Variants in PRKAG2 observed in about 807,000 individuals in gnomAD.
PRKAG2 encodes protein kinase AMP-activated non-catalytic subunit gamma 2, also known as 5'-AMP-activated protein kinase subunit gamma-2.
A neutral mutation model predicts 69.6 loss-of-function variants in PRKAG2; 26 were observed. The ratio of observed to expected loss-of-function variants is 0.37; its 90% CI spans 0.27 to 0.52. The LOEUF (loss-of-function observed/expected upper bound fraction) is 0.52, where lower values mean the gene tolerates loss of function less well. Among genes scored for constraint, PRKAG2 ranks in the 20% least tolerant of loss-of-function variants. The pLI is 0.90. For synonymous variants in PRKAG2, 293 were observed against 285.0 expected, an observed-to-expected ratio of 1.03 and a Z score of -0.28; for missense variants, 557 against 740.0, an observed-to-expected ratio of 0.75 and a Z score of 2.87.
rs943494129 is a variant in PRKAG2, at chr7:151,875,401, T to C, written c.114+1106A>G. On this transcript the variant is annotated intron_variant, in intron 1 of 15. Coordinates refer to ENST00000287878, the MANE Select transcript of PRKAG2 (RefSeq NM_016203.4). ...TCAGCAAACACGGGGCAGTGCGCCC[T>C]GGGATTCACAGTGGGAAGTGAGTGG... 3.3e-5 allele frequency among the ~76,000 whole-genome samples: 5 copies of C among 152,302 alleles called. No homozygotes were observed. In the East Asian group the frequency reaches 5.8e-4, roughly 18 times the overall value.
At chr7:151,718,859 C>T (rs940837815) in intron 3 of PRKAG2, among the ~76,000 whole-genome samples, 2 of 152,132 alleles carry the variant, frequency 1.3e-5, no homozygotes, top group African/African-American at 2.4e-5. Context: ...CCCACCTCCC[C>T]TGGCCCTTCT....
chr7:151,748,575 A>G (rs1196228344), intron 3 of PRKAG2, among the ~76,000 whole-genome samples: 2 of 152,186 alleles, frequency 1.3e-5, no homozygotes, highest in Non-Finnish European at 2.9e-5. Flanking sequence ...GAGGGTGGGA[A>G]CTACTGCTTT....
chr7:151,795,890 T>TATATATATAAAA lies in PRKAG2; in HGVS notation c.115-9350_115-9349insTTTTATATATAT, dbSNP rs1491286413. ...ATATATATATATATATATATATATA[T>TATATATATAAAA]CACGATAATATGTATATGTAATCAT... On this transcript the variant is annotated intron_variant, in intron 1 of 15. Coordinates refer to ENST00000287878, the MANE Select transcript of PRKAG2 (RefSeq NM_016203.4). Among the ~76,000 whole-genome samples the TATATATATAAAA allele has an allele frequency of 3.7e-4, 36 of 96,574 alleles. 1 individual carries two copies. Among genetic ancestry groups the TATATATATAAAA allele is most frequent in the African/African-American group, 1.5e-3 (34 of 22,736 alleles). The allele number at this position is 96,574 out of a possible 152,430, so 63.4% of individuals were successfully genotyped here. A position where few individuals can be genotyped will look rare whatever the true frequency, so the allele number is the denominator to read the frequency against.
At chr7:151,740,164 T>G (rs1368488052) in intron 3 of PRKAG2, among the ~76,000 whole-genome samples, 1 of 152,318 alleles carries the variant, frequency 6.6e-6, no homozygotes, top group Non-Finnish European at 1.5e-5. Context: ...CTGGAGGGAC[T>G]ACCTGGCCAG....
chr7:151,773,928 A>C (rs1401624963), intron 3 of PRKAG2, among the ~76,000 whole-genome samples: 1 of 152,156 alleles, frequency 6.6e-6, no homozygotes, highest in Admixed American at 6.5e-5. Context: ...CTGCTGTTGA[A>C]GTGTGGAAGC....
rs919712374 is a variant in PRKAG2 at position 151,663,209 on chromosome 7, G to A, written c.684+12211C>T. Among the ~76,000 whole-genome samples the A allele has an allele frequency of 2.6e-5, 4 of 152,162 alleles. No homozygotes were observed. In the South Asian group the frequency reaches 6.2e-4, roughly 24 times the overall value. ...AATGTGCAGCCCTTCCTTACTCAAGGAGGTTAAGGGGAAGAACAAAGACCC... is the reference window on the plus strand; with the variant it reads ...AATGTGCAGCCCTTCCTTACTCAAGAAGGTTAAGGGGAAGAACAAAGACCC... On this transcript the variant is annotated intron_variant, in intron 4 of 15. Coordinates refer to ENST00000287878, the MANE Select transcript of PRKAG2 (RefSeq NM_016203.4).
At chr7:151,845,434 G>A (rs1169033916) in intron 1 of PRKAG2, among the ~76,000 whole-genome samples, 11 of 148,714 alleles carry the variant, frequency 7.4e-5, no homozygotes, top group African/African-American at 2.5e-4. Flanking sequence ...TCATGAACCC[G>A]CCTCAGACCT....
rs544268612 is a variant in PRKAG2, at chr7:151,615,538, T to C, written c.754+16531A>G. 1.3e-3 allele frequency among the ~76,000 whole-genome samples: 200 copies of C among 152,274 alleles called. 2 individuals are homozygous for C. The highest frequency in any genetic ancestry group is 2.2e-3 in the Non-Finnish European group (149 of 68,012). On this transcript the variant is annotated intron_variant, in intron 5 of 15. Transcript: ENST00000287878. Reference sequence around the variant, plus strand: ...TCGTGATGAAGATGCCAAAAGCAATTGCAACAAAGGCAAAAATTGACAAGT... The same window carrying C: ...TCGTGATGAAGATGCCAAAAGCAATCGCAACAAAGGCAAAAATTGACAAGT...
chr7:151,749,797 A>AAG (rs1365463797), intron 3 of PRKAG2, among the ~76,000 whole-genome samples: 1 of 151,706 alleles, frequency 6.6e-6, no homozygotes, highest in East Asian at 1.9e-4. Flanking sequence ...AAAAAAAAAA[A>AAG]AAAAAGGAAA....
chr7:151,753,902 T>C (rs112187745), intron 3 of PRKAG2, among the ~76,000 whole-genome samples: 8,283 of 152,028 alleles, frequency 0.054, 365 homozygotes, highest in African/African-American at 0.11. Flanking sequence ...GGCATGATGG[T>C]GCACACCTGT....
rs990868316 is a variant in PRKAG2, at chr7:151,828,513, G to C, written c.115-41972C>G. ...AGGCTAGCAAAGCAAACTTAGGAGA[G>C]AAAGGAAGAAATTTTCATAGTCTTA... On this transcript the variant is annotated intron_variant, in intron 1 of 15. Transcript: ENST00000287878. The surrounding 1 kb of genome is among the most constrained non-coding windows in gnomAD (Gnocchi z 4.6). Among the ~76,000 whole-genome samples the C allele has an allele frequency of 1.3e-5, 2 of 152,224 alleles. No individual in the cohort carries two copies. The highest frequency in any genetic ancestry group is 2.9e-5 in the Non-Finnish European group (2 of 68,032).
intron 3 of PRKAG2, among the ~76,000 whole-genome samples, chr7:151,706,492 G>A (rs901293521): frequency 1.3e-5 from 2 of 152,144 alleles, no homozygotes; most frequent in Non-Finnish European, 1.5e-5. Flanking sequence ...GTGCCTTGCT[G>A]TAAAGATTAA....
chr7:151,706,888 T>C (rs1028026333), intron 3 of PRKAG2, among the ~76,000 whole-genome samples: 2 of 152,212 alleles, frequency 1.3e-5, no homozygotes, highest in Non-Finnish European at 2.9e-5. Flanking sequence ...AGGGACTAGA[T>C]GGAGTAGGGC....
intron 1 of PRKAG2, among the ~76,000 whole-genome samples, chr7:151,790,933 C>T (rs1042995735): frequency 1.3e-5 from 2 of 152,246 alleles, no homozygotes; most frequent in Admixed American, 6.5e-5. Flanking sequence ...GCTGCTAGCT[C>T]AGGCTGCCCG....
At chr7:151,790,578 C>T (rs1169349906) in intron 1 of PRKAG2, 1 of 152,256 alleles carries the variant, frequency 6.6e-6, no homozygotes, top group African/African-American at 2.4e-5. Context: ...CGACCAAGCA[C>T]CCTCTTGCGC....
chr7:151,736,261 A>G (rs1344457072), intron 3 of PRKAG2: 1 of 1,314,406 alleles, frequency 7.6e-7, no homozygotes, highest in African/African-American at 1.5e-5. Flanking sequence ...CTCCGGCCAC[A>G]GCAGCTGGAG....
chr7:151,629,106 G>A (rs924292598), intron 5 of PRKAG2, among the ~76,000 whole-genome samples: 5 of 152,294 alleles, frequency 3.3e-5, no homozygotes, highest in South Asian at 4.1e-4. Flanking sequence ...TACTGGAGCC[G>A]AGCCCCGCCC....
At chr7:151,661,607 C>T (rs545441655) in intron 4 of PRKAG2, among the ~76,000 whole-genome samples, 35 of 152,290 alleles carry the variant, frequency 2.3e-4, no homozygotes, top group East Asian at 1.9e-3. Context: ...AATCACGCTA[C>T]GATGAGCAGC....
At chr7:151,870,424 A>T (rs1368447475) in intron 1 of PRKAG2, among the ~76,000 whole-genome samples, 1 of 152,204 alleles carries the variant, frequency 6.6e-6, no homozygotes, top group Non-Finnish European at 1.5e-5. Flanking sequence ...CTTCTACATA[A>T]GCTAGTCCAT....
Sources: gnomAD v4.1 joint callset for allele counts (sites outside exome capture counted in the v4.1 genomes callset) on GRCh38, gnomAD v4.1.1 for gene constraint, Gnocchi (gnomAD v3.1) non-coding constraint, MANE v1.5 for transcripts, NCBI Gene and HGNC (gene_info 2026-07-23, HGNC 2026-07-21) for gene names.